Variants in DEF8 observed in about 807,000 individuals in gnomAD.
The protein encoded by DEF8 is differentially expressed in FDCP 8 homolog.
In DEF8, 38 loss-of-function variants were observed where a neutral mutation model predicts 59.1. The observed-to-expected ratio is 0.64, with a 90% CI of 0.50 to 0.84. The LOEUF (loss-of-function observed/expected upper bound fraction) is 0.84. DEF8 is among the 40% of genes least tolerant of loss of function. The pLI is 0.00. For synonymous variants in DEF8, 265 were observed against 250.1 expected (o/e 1.06, Z -0.56); for missense variants, 557 against 615.2 (o/e 0.91, Z 1.00).
rs969400927 is a variant in DEF8, at chr16:89,967,714, A to G, written c.*1751A>G. On this transcript the variant is annotated 3_prime_UTR_variant, in exon 13 of 13. Coordinates refer to ENST00000563594, the MANE Select transcript of DEF8 (RefSeq NM_001242818.2). ...ATCACATTTCTGTCATATGGATATT[A>G]GCCATTCCGAAATCTGTGTAATCAA... 3 of 377,374 alleles carry G rather than the reference A, an allele frequency of 7.9e-6. No homozygotes were observed. The highest frequency in any genetic ancestry group is 4.2e-5 in the African/African-American group (2 of 48,170). 23.4% of individuals were successfully genotyped at this position (377,374 alleles called of 1,614,324 possible). A position where few individuals can be genotyped will look rare whatever the true frequency, so the allele number is the denominator to read the frequency against.
In DEF8 at chr16:89,966,115, G is replaced by A. The variant is rs756641519; in HGVS notation, c.*152G>A. On this transcript the variant is annotated 3_prime_UTR_variant, in exon 13 of 13. Transcript: ENST00000563594. The stretch of plus-strand genomic sequence containing the variant: ...GAGCGGGTGGGCAGTGTCAAGGCCC[G>A]CTGTCTCCCAGGTGCTTGCTGGGAC... 6.5e-5 allele frequency: 38 copies of A among 581,724 alleles called. No individual in the cohort carries two copies. The highest frequency in any genetic ancestry group is 1.5e-4 in the East Asian group (5 of 32,888). The allele number at this position is 581,724 out of a possible 1,614,324, so 36.0% of individuals were successfully genotyped here.
At chr16:89,957,355 C>T (rs1425950107) in intron 4 of DEF8, 156 bp from the exon 5 acceptor site, 1 of 775,932 alleles carries the variant, frequency 1.3e-6, no homozygotes, top group Non-Finnish European at 2.0e-6. Flanking sequence ...GCCACCTTTC[C>T]TGCCCTGGAG....
chr16:89,965,615 CT>C (rs1486969217), intron 12 of DEF8, among the ~76,000 whole-genome samples: 6 of 152,120 alleles, frequency 3.9e-5, no homozygotes, highest in African/African-American at 1.4e-4. Flanking sequence ...AGCCCCTCAG[CT>C]GTGTGAACTG....
At chr16:89,960,424 G>A (rs2033872412) in intron 6 of DEF8, among the ~76,000 whole-genome samples, 1 of 152,136 alleles carries the variant, frequency 6.6e-6, no homozygotes. Context: ...TGGGAGGATC[G>A]CTTGGGCCCT....
intron 2 of DEF8, chr16:89,950,406 T>G (rs2031795788): frequency 1.5e-6 from 1 of 686,272 alleles, no homozygotes; most frequent in Admixed American, 6.4e-5. Context: ...TTTTTTTTTT[T>G]GAGATGGAGT....
chr16:89,964,211 C>G lies in DEF8; in HGVS notation c.1044C>G (p.Tyr348Ter). ...RQHFVENDEMYSVQDLLDVHA... is the reference protein window; with the variant it reads ...RQHFVENDEM ...ATTTTGTGGAGAACGACGAGATGTACTCTGTCCAGGACCTCCTGGACGTGC... is the reference window on the plus strand; with the variant it reads ...ATTTTGTGGAGAACGACGAGATGTAGTCTGTCCAGGACCTCCTGGACGTGC... Residue 348 changes from tyrosine to a stop codon, truncating the protein, a stop_gained, in exon 11 of 13, where the codon TAC (tyrosine) becomes TAG (stop). Coordinates refer to ENST00000563594, the MANE Select transcript of DEF8 (RefSeq NM_001242818.2). LOFTEE classifies it high-confidence loss of function. 1.9e-6 allele frequency: 3 copies of G among 1,613,934 alleles called. No individual in the cohort carries two copies. Among genetic ancestry groups the G allele is most frequent in the Non-Finnish European group, 2.5e-6 (3 of 1,179,936 alleles).
intron 12 of DEF8, among the ~76,000 whole-genome samples, chr16:89,965,057 GT>G (rs1309904945): frequency 6.6e-6 from 1 of 151,804 alleles, no homozygotes; most frequent in Non-Finnish European, 1.5e-5. Flanking sequence ...ATGCTCTCGC[GT>G]TTTTTTTCCT....
chr16:89,950,274 C>G, intron 2 of DEF8: 1 of 985,556 alleles, frequency 1.0e-6, no homozygotes, highest in Non-Finnish European at 1.2e-6. Context: ...GCTCTGGGCT[C>G]CTGGCTTCAC....
rs146119560 is a variant in DEF8, at chr16:89,965,758, G to C, written c.1254-103G>C. ...CTGCAGACTCCGACTCTGCCCTTTG[G>C]TAACGGCTGTAGAGGGGATGATAGG... On this transcript the variant is annotated intron_variant, in intron 12 of 12. Transcript: ENST00000563594. 1.3e-3 allele frequency: 888 copies of C among 700,216 alleles called. 5 individuals are homozygous for C. The African/African-American group carries it at 0.015, about 12-fold the overall frequency. The allele number at this position is 700,216 out of a possible 1,614,324, so 43.4% of individuals were successfully genotyped here.
chr16:89,959,383 T>C (rs922763575), intron 6 of DEF8: 21 of 1,416,132 alleles, frequency 1.5e-5, no homozygotes, highest in Non-Finnish European at 1.9e-5. Flanking sequence ...GTCTAGTTTG[T>C]ACAATGAAGA....
rs2033964420 is a variant in DEF8, at chr16:89,961,079, G to T, written c.663G>T (p.Arg221=). 1 of 1,612,296 alleles carries T rather than the reference G, an allele frequency of 6.2e-7. No individual in the cohort carries two copies. The highest frequency in any genetic ancestry group is 1.3e-5 in the African/African-American group (1 of 74,922). The part of the protein sequence containing the change: ...DSQDYRCAEC[R]APISLRGVPS... ...AGGATTACCGCTGTGCCGAGTGCCGGGCGCCCATCTCTCTGCGTGAGTGGT... is the reference window on the plus strand; with the variant it reads ...AGGATTACCGCTGTGCCGAGTGCCGTGCGCCCATCTCTCTGCGTGAGTGGT... The change falls in exon 7 of 13, where the codon CGG becomes CGT. Residue 221 remains arginine, a synonymous_variant. Transcript: ENST00000563594.
Position 89,963,401 on chromosome 16 carries a change from C to T in DEF8, c.960C>T (p.Phe320=). 1 of 1,613,976 alleles carries T rather than the reference C, an allele frequency of 6.2e-7. No homozygotes were observed. Among genetic ancestry groups the T allele is most frequent in the Non-Finnish European group, 8.5e-7 (1 of 1,179,934 alleles). Residue 320 remains phenylalanine (F), a synonymous_variant, in exon 10 of 13, where the codon TTC becomes TTT. Coordinates refer to ENST00000563594, the MANE Select transcript of DEF8 (RefSeq NM_001242818.2). The stretch of plus-strand genomic sequence containing the variant: ...ACATCCTGCTCATGAAGCCGTACTT[C>T]ATCACCTGCAGGGAGGCCATGGAGG... ...RQDILLMKPY[F]ITCREAMEAR...
In DEF8 at chr16:89,962,034, A is replaced by G. The variant is rs2034093031; in HGVS notation, c.830A>G (p.Tyr277Cys). The G allele has an allele frequency of 1.2e-6, 2 of 1,613,886 alleles. No homozygotes were observed. Among genetic ancestry groups the G allele is most frequent in the Non-Finnish European group, 1.7e-6 (2 of 1,179,998 alleles). Reference protein sequence around the residue: ...PRKVSRCSMRYLALMVSRPVL... With the variant: ...PRKVSRCSMRCLALMVSRPVL... Reference sequence around the variant, plus strand: ...CAGGTTTCTCGCTGCAGCATGCGCTACCTGGCGCTGATGGTGTCTCGGCCC... The same window carrying G: ...CAGGTTTCTCGCTGCAGCATGCGCTGCCTGGCGCTGATGGTGTCTCGGCCC... Residue 277 changes from tyrosine to cysteine, a missense_variant, in exon 9 of 13, where the codon TAC becomes TGC. Coordinates refer to ENST00000563594, the MANE Select transcript of DEF8 (RefSeq NM_001242818.2).
intron 2 of DEF8, chr16:89,949,721 T>G: frequency 7.4e-7 from 1 of 1,344,230 alleles, no homozygotes; most frequent in South Asian, 1.3e-5. Context: ...CGGCTTCCTT[T>G]CATTGCTAAG....
At chr16:89,960,792 C>G (rs149078131) in intron 6 of DEF8, 139 bp from the exon 7 acceptor site, 1 of 880,058 alleles carries the variant, frequency 1.1e-6, no homozygotes, top group Non-Finnish European at 1.8e-6. Context: ...GTTCTAAGGC[C>G]TCCCTTGGTG....
intron 2 of DEF8, among the ~76,000 whole-genome samples, chr16:89,951,798 T>G (rs1421852049): frequency 6.6e-6 from 1 of 151,790 alleles, no homozygotes; most frequent in Non-Finnish European, 1.5e-5. Context: ...TTCTCAGAAG[T>G]CTTTTCTTTT....
At chr16:89,960,794 C>T (rs2033929628) in intron 6 of DEF8, 137 bp from the exon 7 acceptor site, 3 of 894,606 alleles carry the variant, frequency 3.4e-6, no homozygotes, top group Admixed American at 4.6e-5. Context: ...TCTAAGGCCT[C>T]CCTTGGTGCC....
At chr16:89,960,041 G>A (rs2033817552) in intron 6 of DEF8, among the ~76,000 whole-genome samples, 1 of 152,180 alleles carries the variant, frequency 6.6e-6, no homozygotes, top group Non-Finnish European at 1.5e-5. Flanking sequence ...CTGGAGGAAT[G>A]TTCCGGTGGG....
chr16:89,962,052 C>T lies in DEF8; in HGVS notation c.848C>T (p.Ser283Phe). The T allele has an allele frequency of 6.2e-7, 1 of 1,614,100 alleles. No individual in the cohort carries two copies. The highest frequency in any genetic ancestry group is 8.5e-7 in the Non-Finnish European group (1 of 1,180,002). ...CSMRYLALMV[S>F]RPVLRLREIN... ...ATGCGCTACCTGGCGCTGATGGTGT[C>T]TCGGCCCGTACTCAGGCTCCGGGAG... is the stretch of plus-strand genomic sequence containing the variant. The change falls in exon 9 of 13, where the codon TCT (serine) becomes TTT (phenylalanine). Residue 283 changes from serine to phenylalanine, a missense_variant. Coordinates refer to ENST00000563594, the MANE Select transcript of DEF8 (RefSeq NM_001242818.2).
Sources: gnomAD v4.1 joint callset for allele counts (sites outside exome capture counted in the v4.1 genomes callset) on GRCh38, gnomAD v4.1.1 for gene constraint, MANE v1.5 for transcripts, NCBI Gene and HGNC (gene_info 2026-07-23, HGNC 2026-07-21) for gene names.